The following GRM8 variants were observed in gnomAD, a reference collection of about 807,000 sequenced individuals.
GRM8 encodes metabotropic glutamate receptor 8.
A neutral mutation model predicts 87.2 loss-of-function variants in GRM8; 47 were observed. The ratio of observed to expected loss-of-function variants is 0.54; its 90% CI spans 0.43 to 0.69. The LOEUF (loss-of-function observed/expected upper bound fraction) is 0.69. Ranked by LOEUF, GRM8 falls within the 30% of genes least tolerant of loss-of-function variation. The pLI is 0.00. For missense variants in GRM8, 1,019 were observed against 1,139.2 expected, an observed-to-expected ratio of 0.89 and a Z score of 1.52; for synonymous variants, 396 against 404.5, an observed-to-expected ratio of 0.98 and a Z score of 0.25.
At chr7:126,619,508 TATA>T (rs752650774) in intron 7 of GRM8, among the ~76,000 whole-genome samples, 3 of 151,106 alleles carry the variant, frequency 2.0e-5, no homozygotes, top group Non-Finnish European at 2.9e-5. Context: ...GAACTTAAAG[TATA>T]ATAAGAAAAA....
intron 3 of GRM8, among the ~76,000 whole-genome samples, chr7:126,933,134 C>T (rs764712346): frequency 2.0e-5 from 3 of 152,184 alleles, no homozygotes; most frequent in African/African-American, 7.2e-5. Context: ...AAGAATGACG[C>T]CTTCAGCATC....
At chr7:126,819,123 A>G (rs540104961) in intron 6 of GRM8, among the ~76,000 whole-genome samples, 1 of 152,234 alleles carries the variant, frequency 6.6e-6, no homozygotes, top group African/African-American at 2.4e-5. Context: ...TGAACAGGAG[A>G]TCTGTCTTCC....
At chr7:126,910,995 T>C (rs1803226163) in intron 3 of GRM8, among the ~76,000 whole-genome samples, 1 of 152,162 alleles carries the variant, frequency 6.6e-6, no homozygotes, top group African/African-American at 2.4e-5. Flanking sequence ...ACTGTGAGAA[T>C]CCAATTATAA....
chr7:127,001,654 G>A (rs1010543623), intron 3 of GRM8, among the ~76,000 whole-genome samples: 10 of 151,568 alleles, frequency 6.6e-5, no homozygotes, highest in East Asian at 3.9e-4. Context: ...CTGTTTGGCA[G>A]ATTCTTATAA....
Position 127,151,502 on chromosome 7 carries a change from G to T in GRM8, c.511-44790C>A, listed in dbSNP as rs139787712. Among the ~76,000 whole-genome samples, 196 of 152,204 alleles carry T rather than the reference G, an allele frequency of 1.3e-3. 1 individual carries two copies. The highest frequency in any genetic ancestry group is 3.7e-3 in the South Asian group (18 of 4,830). ...ACCCAATTATGGATGGTTGTGAAAA[G>T]CCATGTCAAATTAAGGGGATCATCA... is the stretch of plus-strand genomic sequence containing the variant. On this transcript the variant is annotated intron_variant, in intron 2 of 10. Coordinates refer to ENST00000339582, the MANE Select transcript of GRM8 (RefSeq NM_000845.3).
At chr7:126,942,277 A>T (rs1464273915) in intron 3 of GRM8, among the ~76,000 whole-genome samples, 2 of 152,206 alleles carry the variant, frequency 1.3e-5, no homozygotes, top group African/African-American at 4.8e-5. Flanking sequence ...GTGGTCCAAG[A>T]TAACCACCTG....
In GRM8 at chr7:126,669,346, A is replaced by T. The variant is rs61141784; in HGVS notation, c.1358-59848T>A. ...ACTAAAGTAAAATTAAAAATTTTTA[A>T]AAAAAAGTCAACAAGAAAAAAAAAA... On this transcript the variant is annotated intron_variant, in intron 7 of 10. Coordinates refer to ENST00000339582, the MANE Select transcript of GRM8 (RefSeq NM_000845.3). Among the ~76,000 whole-genome samples, 495 of 152,222 alleles carry T rather than the reference A, an allele frequency of 3.3e-3. 3 individuals are homozygous for T. The highest frequency in any genetic ancestry group is 0.011 in the African/African-American group (450 of 41,484).
intron 2 of GRM8, among the ~76,000 whole-genome samples, chr7:127,154,356 TAA>T (rs2116139392): frequency 6.6e-6 from 1 of 152,228 alleles, no homozygotes; most frequent in African/African-American, 2.4e-5. Flanking sequence ...CTTCCTGGCT[TAA>T]AACACCAAGT....
intron 7 of GRM8, among the ~76,000 whole-genome samples, chr7:126,729,438 T>G (rs909533589): frequency 6.6e-6 from 1 of 152,174 alleles, no homozygotes; most frequent in African/African-American, 2.4e-5. Context: ...ATTAAGGCCA[T>G]GTCGATTCCA....
At chr7:127,015,260 A>AAG (rs1815541412) in intron 3 of GRM8, among the ~76,000 whole-genome samples, 10 of 125,438 alleles carry the variant, frequency 8.0e-5, no homozygotes, top group Admixed American at 1.7e-4. Context: ...GAAGAAGAAG[A>AAG]AAAGAGAGAG....
intron 8 of GRM8, among the ~76,000 whole-genome samples, chr7:126,561,234 AGG>A (rs1437970728): frequency 3.3e-5 from 5 of 152,172 alleles, no homozygotes; most frequent in African/African-American, 4.8e-5. Context: ...GCACTTTGGG[AGG>A]CCAAGGTGGG....
intron 9 of GRM8, among the ~76,000 whole-genome samples, chr7:126,513,448 T>C (rs1811700509): frequency 6.6e-6 from 1 of 152,130 alleles, no homozygotes; most frequent in African/African-American, 2.4e-5. Context: ...CTACCTAATG[T>C]TAGTATATTT....
At chr7:126,548,426 C>A (rs1817415215) in intron 8 of GRM8, among the ~76,000 whole-genome samples, 1 of 151,740 alleles carries the variant, frequency 6.6e-6, no homozygotes, top group African/African-American at 2.4e-5. Flanking sequence ...TATATAAAAA[C>A]CAAAACAGAA....
At chr7:127,031,116 T>C (rs1817319631) in intron 3 of GRM8, among the ~76,000 whole-genome samples, 1 of 152,138 alleles carries the variant, frequency 6.6e-6, no homozygotes, top group Non-Finnish European at 1.5e-5. Flanking sequence ...TCAAGCCAAC[T>C]GTGTGGTCAA....
chr7:127,111,570 C>T (rs1826352868), intron 2 of GRM8, among the ~76,000 whole-genome samples: 2 of 152,162 alleles, frequency 1.3e-5, no homozygotes, highest in Admixed American at 6.5e-5. Context: ...CTCCATTAGC[C>T]ATCTTAGGCT....
chr7:127,173,504 A>C (rs539627183), intron 2 of GRM8, among the ~76,000 whole-genome samples: 15 of 152,276 alleles, frequency 9.9e-5, no homozygotes, highest in African/African-American at 3.6e-4. Context: ...GGTCAGGAGG[A>C]TCAGATTGTA....
intron 6 of GRM8, among the ~76,000 whole-genome samples, chr7:126,876,130 C>T (rs1799506967): frequency 6.6e-6 from 1 of 152,190 alleles, no homozygotes; most frequent in Non-Finnish European, 1.5e-5. Flanking sequence ...AGCTGCCCTT[C>T]TCTGTGCTCC....
At chr7:127,141,667 CAAAAAT>C (rs557683389) in intron 2 of GRM8, among the ~76,000 whole-genome samples, 6 of 152,050 alleles carry the variant, frequency 3.9e-5, no homozygotes, top group East Asian at 1.9e-4. Context: ...ACAGATACCT[CAAAAAT>C]AAAAATAAAA....
chr7:127,049,240 C>T (rs990856140), intron 3 of GRM8, among the ~76,000 whole-genome samples: 3 of 152,048 alleles, frequency 2.0e-5, no homozygotes, highest in African/African-American at 2.4e-5. Flanking sequence ...CACACACACA[C>T]AGAGGAGCAA....
Sources: allele counts gnomAD v4.1 joint callset (sites outside exome capture counted in the v4.1 genomes callset), GRCh38; gene constraint gnomAD v4.1.1; transcripts MANE v1.5; gene names NCBI Gene and HGNC (gene_info 2026-07-23, HGNC 2026-07-21).